Variants in MYO10 observed in about 807,000 individuals in gnomAD.
MYO10 encodes the protein unconventional myosin-X.
In MYO10, 133 loss-of-function variants were observed where a neutral mutation model predicts 257.3. That is an observed-to-expected ratio of 0.52 (90% CI 0.45 to 0.60). MYO10 has a LOEUF of 0.60. Ranked by LOEUF, MYO10 falls within the 20% of genes least tolerant of loss-of-function variation. The pLI, the probability that MYO10 is intolerant of heterozygous loss-of-function variation, is 0.00. For missense variants in MYO10, 2,399 were observed against 2,635.7 expected (o/e 0.91, Z 1.97); for synonymous variants, 1,104 against 1,028.6 (o/e 1.07, Z -1.40).
At chr5:16,852,185 G>A (rs1743828703) in intron 2 of MYO10, among the ~76,000 whole-genome samples, 1 of 149,952 alleles carries the variant, frequency 6.7e-6, no homozygotes, top group Non-Finnish European at 1.5e-5. Flanking sequence ...AAAAGACTGT[G>A]TATAACTTTA....
At chr5:16,805,152 A>G (rs183217539) in intron 3 of MYO10, among the ~76,000 whole-genome samples, 1 of 152,154 alleles carries the variant, frequency 6.6e-6, no homozygotes, top group African/African-American at 2.4e-5. Flanking sequence ...TGTCAAGTGA[A>G]GCAAAGATAA....
In MYO10 at chr5:16,701,000, C is replaced by A; in HGVS notation, c.3395G>T (p.Gly1132Val). The change falls in exon 25 of 41, where the codon GGT becomes GTT. Residue 1132 changes from glycine (G) to valine (V), a missense_variant. Physicochemically the swap from Gly to Val is moderately radical, Grantham distance 109. Around this residue, in one of 3 missense-constraint regions of MYO10, gnomAD observed 1,820 missense variants for 1,939.4 expected, o/e 0.94. Coordinates refer to ENST00000513610, the MANE Select transcript of MYO10 (RefSeq NM_012334.3). ...RCSVGTYNSS[G>V]AYRFSSEGAQ... ...CCCCTCAGAGCTGAACCGGTAGGCA[C>A]CCGAGCTGTTGTAGGTCCCCACAGA... 6.4e-7 allele frequency: 1 copy of A among 1,560,110 alleles called. No homozygotes were observed. Among genetic ancestry groups the A allele is most frequent in the Non-Finnish European group, 8.7e-7 (1 of 1,152,086 alleles).
intron 2 of MYO10, among the ~76,000 whole-genome samples, chr5:16,860,654 G>A (rs1018322750): frequency 1.4e-4 from 21 of 152,090 alleles, no homozygotes; most frequent in Admixed American, 6.6e-5. Flanking sequence ...ATGGGAGAAG[G>A]AAGGAAGAGA....
At chr5:16,732,128 T>A (rs1739609137) in intron 19 of MYO10, among the ~76,000 whole-genome samples, 1 of 152,052 alleles carries the variant, frequency 6.6e-6, no homozygotes, top group Non-Finnish European at 1.5e-5. Context: ...AAACTTAAAA[T>A]TAGGGGTTTA....
rs1171658704 is a variant in MYO10, at chr5:16,679,917, A to G, written c.4542+30T>C. The G allele has an allele frequency of 2.5e-6, 4 of 1,606,276 alleles. No homozygotes were observed. The East Asian group carries it at 6.7e-5, about 27-fold the overall frequency. On this transcript the variant is annotated intron_variant, in intron 33 of 40. Coordinates refer to ENST00000513610, the MANE Select transcript of MYO10 (RefSeq NM_012334.3). ...AGGGTAGAATCTCTGAGCTGTAATC[A>G]CCCACCTTGATGGGCTTGTCTTGGC...
In MYO10 at chr5:16,701,007, T is replaced by C; in HGVS notation, c.3388A>G (p.Ser1130Gly). 1 of 1,561,206 alleles carries C rather than the reference T, an allele frequency of 6.4e-7. No homozygotes were observed. The highest frequency in any genetic ancestry group is 8.7e-7 in the Non-Finnish European group (1 of 1,152,774). Residue 1130 changes from serine to glycine, a missense_variant, in exon 25 of 41, where the codon AGC (serine) becomes GGC (glycine). By Grantham distance (56) the Ser-to-Gly change is moderately conservative. Transcript: ENST00000513610. The surrounding 1 kb of genome is among the most constrained non-coding windows in gnomAD (Gnocchi z 8.1). ...GAGCTGAACCGGTAGGCACCCGAGC[T>C]GTTGTAGGTCCCCACAGAGCAGCGG... ...DYRCSVGTYN[S>G]SGAYRFSSEG...
At chr5:16,801,683 A>G (rs980731452) in intron 3 of MYO10, among the ~76,000 whole-genome samples, 3 of 152,214 alleles carry the variant, frequency 2.0e-5, no homozygotes, top group African/African-American at 7.2e-5. Flanking sequence ...ACTCTAAACA[A>G]GAGAAAACTA....
intron 2 of MYO10, among the ~76,000 whole-genome samples, chr5:16,847,721 C>A (rs112301796): frequency 9.3e-4 from 141 of 151,928 alleles, no homozygotes; most frequent in African/African-American, 3.3e-3. Context: ...CACAGTGAGA[C>A]CCTGTCTCAA....
At chr5:16,672,332 C>A (rs1736506177) in intron 37 of MYO10, among the ~76,000 whole-genome samples, 1 of 147,132 alleles carries the variant, frequency 6.8e-6, no homozygotes, top group Non-Finnish European at 1.5e-5. Context: ...ATATTGTAGA[C>A]ATAACACATA....
chr5:16,691,231 C>T (rs1401359975), intron 27 of MYO10, among the ~76,000 whole-genome samples: 2 of 148,372 alleles, frequency 1.3e-5, no homozygotes, highest in Non-Finnish European at 3.0e-5. Context: ...GATCGCGCCA[C>T]TGCACTCCAA....
At chr5:16,932,640 C>T (rs1746321512) in intron 1 of MYO10, among the ~76,000 whole-genome samples, 1 of 152,140 alleles carries the variant, frequency 6.6e-6, no homozygotes, top group African/African-American at 2.4e-5. Flanking sequence ...GAAACTGAAA[C>T]TGAGGAATGT....
rs778938560 is a variant in MYO10 at position 16,679,967 on chromosome 5, G to A, written c.4522C>T (p.Gln1508Ter). The change falls in exon 33 of 41, where the codon CAG (glutamine) becomes TAG (stop). Residue 1508 changes from glutamine (Q) to a stop codon, truncating the protein, a stop_gained. Coordinates refer to ENST00000513610, the MANE Select transcript of MYO10 (RefSeq NM_012334.3). LOFTEE classifies it high-confidence loss of function. ...TKAPIDTPTQ[Q>*]LIQDIKENCL... ...CTTACCTTGATATCTTGAATCAGCT[G>A]CTGGGTGGGGGTGTCGATCGGGGCC... 6.2e-7 allele frequency: 1 copy of A among 1,613,860 alleles called. No individual in the cohort carries two copies. The highest frequency in any genetic ancestry group is 8.5e-7 in the Non-Finnish European group (1 of 1,179,830).
intron 3 of MYO10, among the ~76,000 whole-genome samples, chr5:16,797,705 A>G (rs558131144): frequency 6.6e-6 from 1 of 152,370 alleles, no homozygotes; most frequent in African/African-American, 2.4e-5. Context: ...GCCAGACACA[A>G]AAGTTCACAT....
chr5:16,781,592 A>G (rs561832074), intron 6 of MYO10, 113 bp downstream of exon 6: 87 of 1,171,034 alleles, frequency 7.4e-5, no homozygotes, highest in Non-Finnish European at 1.0e-4. Flanking sequence ...CTAATTCGTT[A>G]AAGAACCAGA....
At chr5:16,744,745 A>G (rs1021852732) in intron 19 of MYO10, among the ~76,000 whole-genome samples, 2 of 152,028 alleles carry the variant, frequency 1.3e-5, no homozygotes, top group African/African-American at 4.8e-5. Context: ...AACAAACAAC[A>G]TGAAAGCAAA....
At chr5:16,789,025 G>C (rs1021733001) in intron 4 of MYO10, among the ~76,000 whole-genome samples, 1 of 152,164 alleles carries the variant, frequency 6.6e-6, no homozygotes, top group African/African-American at 2.4e-5. Flanking sequence ...AATCTGATAC[G>C]AGCAGGGCCT....
At position 16,671,541 on chromosome 5, in the gene MYO10, G is replaced by A. The variant is rs1736462767; in HGVS notation, c.5311C>T (p.Leu1771=). Residue 1771 remains leucine, a splice_region_variant and synonymous_variant, in exon 38 of 41, where the codon CTG becomes TTG. Coordinates refer to ENST00000513610, the MANE Select transcript of MYO10 (RefSeq NM_012334.3). ...TCCCCAACCTCGGATGTGGCAGCCAGCCTACAGAGAGGAGTCAAGAGAGGC... is the reference window on the plus strand; with the variant it reads ...TCCCCAACCTCGGATGTGGCAGCCAACCTACAGAGAGGAGTCAAGAGAGGC... ...VADVLAKFEK[L]AATSEVGDLP... 8.1e-6 allele frequency: 13 copies of A among 1,613,822 alleles called. No homozygotes were observed. Among genetic ancestry groups the A allele is most frequent in the Non-Finnish European group, 1.1e-5 (13 of 1,179,852 alleles).
chr5:16,842,591 G>A (rs139898388), intron 2 of MYO10, among the ~76,000 whole-genome samples: 51 of 152,048 alleles, frequency 3.4e-4, no homozygotes, highest in African/African-American at 1.1e-3. Context: ...CCCTTCCCTC[G>A]CTCACAAAGC....
chr5:16,850,624 G>C (rs546685749), intron 2 of MYO10, among the ~76,000 whole-genome samples: 21 of 151,900 alleles, frequency 1.4e-4, no homozygotes, highest in African/African-American at 4.6e-4. Context: ...TATATCCTCA[G>C]TTAAATAGTA....
Sources: gnomAD v4.1 joint callset for allele counts (sites outside exome capture counted in the v4.1 genomes callset) on GRCh38, gnomAD v4.1.1 for gene constraint, gnomAD v4.1.1 regional missense constraint, Gnocchi (gnomAD v3.1) non-coding constraint, MANE v1.5 for transcripts, NCBI Gene and HGNC (gene_info 2026-07-23, HGNC 2026-07-21) for gene names.